Variants in TEFM observed in about 807,000 individuals in gnomAD.
The protein encoded by TEFM is transcription elongation factor of mitochondria.
Under a neutral mutation model 23.0 loss-of-function variants are expected in TEFM, and 14 were observed. The observed-to-expected ratio is 0.61, with a 90% CI of 0.40 to 0.95. The LOEUF (loss-of-function observed/expected upper bound fraction) is 0.95, where lower values mean the gene tolerates loss of function less well. Among genes scored for constraint, TEFM ranks in the 40% least tolerant of loss-of-function variants. The pLI is 0.00. For synonymous variants in TEFM, 155 were observed against 158.3 expected, an observed-to-expected ratio of 0.98 and a Z score of 0.16; for missense variants, 386 against 425.5, an observed-to-expected ratio of 0.91 and a Z score of 0.82.
chr17:30,900,260 C>A, intron 3 of TEFM, 153 bp downstream of exon 3: 2 of 710,288 alleles, frequency 2.8e-6, no homozygotes, highest in South Asian at 3.2e-5. Context: ...TTTTAAAAAT[C>A]AAAGGTGATG....
At chr17:30,901,617 A>G (rs1910048408) in intron 2 of TEFM, among the ~76,000 whole-genome samples, 1 of 152,208 alleles carries the variant, frequency 6.6e-6, no homozygotes, top group Admixed American at 6.5e-5. Context: ...CTGGCAGTAG[A>G]ATAAAGACTG....
At position 30,900,229 on chromosome 17, in the gene TEFM, TGAAC is replaced by T. The variant is rs1598008393; in HGVS notation, c.645+180_645+183del. 1.3e-5 allele frequency: 7 copies of T among 524,726 alleles called. No homozygotes were observed. In the East Asian group the frequency reaches 2.0e-4, roughly 15 times the overall value. The allele number at this position is 524,726 out of a possible 1,614,324, so 32.5% of individuals were successfully genotyped here. A position where few individuals can be genotyped will look rare whatever the true frequency, so the allele number is the denominator to read the frequency against. On this transcript the variant is annotated intron_variant, in intron 3 of 3. Coordinates refer to ENST00000581216, the MANE Select transcript of TEFM (RefSeq NM_024683.4). ...TGCCTTCGATGCATAAGGCATTTCT[TGAAC>T]TAACTAAAGGTTGAATTTTTAAAAA...
chr17:30,903,100 T>C lies in TEFM; in HGVS notation c.495+966A>G, dbSNP rs148104452. 5.5e-3 allele frequency among the ~76,000 whole-genome samples: 720 copies of C among 129,872 alleles called. 1 individual carries two copies. The highest frequency in any genetic ancestry group is 0.021 in the Middle Eastern group (4 of 194). 85.2% of individuals were successfully genotyped at this position (129,872 alleles called of 152,430 possible). A position where few individuals can be genotyped will look rare whatever the true frequency, so the allele number is the denominator to read the frequency against. On this transcript the variant is annotated intron_variant, in intron 2 of 3. Transcript: ENST00000581216. ...GGAGGTTGTTGTGAGATCATGCCAC[T>C]GTACTCCAGCCTGGCGACAGCACAA...
chr17:30,904,042 G>A (rs775830031), intron 2 of TEFM, 24 bp downstream of exon 2: 3 of 1,591,628 alleles, frequency 1.9e-6, no homozygotes, highest in East Asian at 2.2e-5. Flanking sequence ...ATATTAGGCA[G>A]TATAGCAGAC....
rs1909990251 is a variant in TEFM at position 30,899,441 on chromosome 17, G to A, written c.811C>T (p.His271Tyr). ...LNKTFAQDGQ[H>Y]QVLSMNRNAV... ...TTTCGATTCATGCTCAGCACCTGAT[G>A]CTGCCCATCCTGGGCAAAAGTTTTA... Residue 271 changes from histidine to tyrosine, a missense_variant, in exon 4 of 4, where the codon CAT (histidine) becomes TAT (tyrosine). His to Tyr is a moderately conservative substitution (Grantham distance 83, BLOSUM62 2). Transcript: ENST00000581216. 4.3e-6 allele frequency: 7 copies of A among 1,614,204 alleles called. No individual in the cohort carries two copies. Among genetic ancestry groups the A allele is most frequent in the Non-Finnish European group, 5.9e-6 (7 of 1,180,034 alleles).
rs775125330 is a variant in TEFM at position 30,899,412 on chromosome 17, T to G, written c.840A>C (p.Ala280=). Reference sequence around the variant, plus strand: ...TCATCAGTTCAAAATGCTTCCCCACTGCATTTCGATTCATGCTCAGCACCT... The same window carrying G: ...TCATCAGTTCAAAATGCTTCCCCACGGCATTTCGATTCATGCTCAGCACCT... ...QHQVLSMNRN[A]VGKHFELMIG... The change falls in exon 4 of 4, where the codon GCA becomes GCC. Residue 280 remains alanine, a synonymous_variant. Coordinates refer to ENST00000581216, the MANE Select transcript of TEFM (RefSeq NM_024683.4). 1.9e-6 allele frequency: 3 copies of G among 1,614,160 alleles called. No individual in the cohort carries two copies. Among genetic ancestry groups the G allele is most frequent in the Non-Finnish European group, 2.5e-6 (3 of 1,179,980 alleles).
chr17:30,903,003 C>T (rs1296614894), intron 2 of TEFM, among the ~76,000 whole-genome samples: 2 of 151,394 alleles, frequency 1.3e-5, no homozygotes, highest in Admixed American at 6.6e-5. Context: ...ATTAGCTGGG[C>T]GTGGTGGCAT....
chr17:30,900,499 G>A lies in TEFM; in HGVS notation c.559C>T (p.Arg187Cys), dbSNP rs754665796. Residue 187 changes from arginine to cysteine, a missense_variant, in exon 3 of 4, where the codon CGT becomes TGT. Transcript: ENST00000581216. ...TGCCAGTCCAGCACTGTCAACTTAC[G>A]ATCAAGGTGAGCCCAGGCAATTCTT... Reference protein sequence around the residue: ...TRRIAWAHLDRKLTVLDWQQS... With the variant: ...TRRIAWAHLDCKLTVLDWQQS... The A allele has an allele frequency of 1.3e-5, 21 of 1,613,974 alleles. No homozygotes were observed. Among genetic ancestry groups the A allele is most frequent in the South Asian group, 9.9e-5 (9 of 91,086 alleles).
At chr17:30,903,986 TC>T (rs1910108096) in intron 2 of TEFM, 79 bp downstream of exon 2, 1 of 1,308,276 alleles carries the variant, frequency 7.6e-7, no homozygotes, top group South Asian at 1.5e-5. Context: ...CTTAGCCACT[TC>T]CCAACCCAAT....
At chr17:30,899,640 A>G in intron 3 of TEFM, 34 bp from the exon 4 acceptor site, 2 of 1,404,120 alleles carry the variant, frequency 1.4e-6, no homozygotes, top group Non-Finnish European at 1.9e-6. Context: ...AGGAACAGAA[A>G]TAATTCATTA....
chr17:30,903,227 GTGTTTTT>G (rs1910085591), intron 2 of TEFM, among the ~76,000 whole-genome samples: 1 of 140,340 alleles, frequency 7.1e-6, no homozygotes, highest in African/African-American at 2.6e-5. Context: ...TTTTAGAATG[GTGTTTTT>G]TTTTTTTTTT....
At chr17:30,904,631 G>A in intron 1 of TEFM, 102 bp from the exon 2 acceptor site, 1 of 774,840 alleles carries the variant, frequency 1.3e-6, no homozygotes. Context: ...ATACTTTCCT[G>A]GAATTTAAGA....
rs1400522588 is a variant in TEFM at position 30,899,524 on chromosome 17, AGAGAT to A, written c.723_727del (p.Ser242ValfsTer20). ...ATGAAAATGTAACAGTATTGGAAACAGAGATGAGTTCTGAATGGAAAGTCCTGTTT... is the reference window on the plus strand; with the variant it reads ...ATGAAAATGTAACAGTATTGGAAACAGAGTTCTGAATGGAAAGTCCTGTTT... On this transcript the variant is annotated frameshift_variant, in exon 4 of 4. Coordinates refer to ENST00000581216, the MANE Select transcript of TEFM (RefSeq NM_024683.4). LOFTEE classifies it high-confidence loss of function. 1 of 1,613,652 alleles carries A rather than the reference AGAGAT, an allele frequency of 6.2e-7. No homozygotes were observed. Among genetic ancestry groups the A allele is most frequent in the Non-Finnish European group, 8.5e-7 (1 of 1,179,698 alleles).
intron 1 of TEFM, 78 bp from the exon 2 acceptor site, chr17:30,904,607 T>C (rs1259615229): frequency 1.5e-5 from 15 of 988,296 alleles, no homozygotes; most frequent in Non-Finnish European, 1.8e-5. Context: ...ACTAGATCCT[T>C]TGCAAAGTCA....
At chr17:30,905,018 TTA>T (rs1214911813) in intron 1 of TEFM, among the ~76,000 whole-genome samples, 6 of 152,100 alleles carry the variant, frequency 3.9e-5, no homozygotes, top group Non-Finnish European at 7.4e-5. Flanking sequence ...TTAAACTATA[TTA>T]TATAGAGTTT....
Position 30,899,502 on chromosome 17 carries a change from A to C in TEFM, c.750T>G (p.Phe250Leu). The part of the protein sequence containing the change: ...NSSLFPILLH[F>L]HIMEAMLYAL... ...CATACAGCATGGCTTCCATGATATG[A>C]AAATGTAACAGTATTGGAAACAGAG... Residue 250 changes from phenylalanine to leucine, a missense_variant, in exon 4 of 4, where the codon TTT becomes TTG. By Grantham distance (22) the Phe-to-Leu change is conservative. Coordinates refer to ENST00000581216, the MANE Select transcript of TEFM (RefSeq NM_024683.4). The C allele has an allele frequency of 1.9e-6, 3 of 1,614,148 alleles. No homozygotes were observed. Among genetic ancestry groups the C allele is most frequent in the Non-Finnish European group, 2.5e-6 (3 of 1,179,978 alleles).
At chr17:30,900,284 GA>G in intron 3 of TEFM, 128 bp downstream of exon 3, 3 of 896,462 alleles carry the variant, frequency 3.3e-6, no homozygotes, top group Non-Finnish European at 1.7e-6. Flanking sequence ...AACATAATAG[GA>G]ATAAGTGAGT....
chr17:30,900,782 T>TA (rs1055711059), intron 2 of TEFM, among the ~76,000 whole-genome samples: 43 of 134,070 alleles, frequency 3.2e-4, no homozygotes, highest in Non-Finnish European at 5.9e-4. Context: ...TTTTATTTTT[T>TA]TTTTTAGTAG....
chr17:30,904,889 A>G (rs1910133453), intron 1 of TEFM, among the ~76,000 whole-genome samples: 1 of 152,024 alleles, frequency 6.6e-6, no homozygotes. Context: ...AGTGTTAGCC[A>G]GGATGGTCTC....
Sources: gnomAD v4.1 joint callset for allele counts (sites outside exome capture counted in the v4.1 genomes callset) on GRCh38, gnomAD v4.1.1 for gene constraint, MANE v1.5 for transcripts, NCBI Gene and HGNC (gene_info 2026-07-23, HGNC 2026-07-21) for gene names.